The following SNTG2 variants were observed in gnomAD, a reference collection of about 807,000 sequenced individuals.
The protein encoded by SNTG2 is syntrophin gamma 2.
In SNTG2, 74 loss-of-function variants were observed where a neutral mutation model predicts 70.9. That is an observed-to-expected ratio of 1.04 (90% CI 0.86 to 1.27). SNTG2 has a LOEUF of 1.27. Among genes scored for constraint, SNTG2 ranks in the 50% most tolerant of loss-of-function variants. SNTG2 has a pLI of 0.00. For synonymous variants in SNTG2, 278 were observed against 273.8 expected (o/e 1.02, Z -0.15); for missense variants, 717 against 690.7 (o/e 1.04, Z -0.43).
intron 8 of SNTG2, among the ~76,000 whole-genome samples, chr2:1,180,882 G>A (rs928161458): frequency 3.9e-5 from 6 of 152,222 alleles, no homozygotes; most frequent in Admixed American, 2.6e-4. Flanking sequence ...GGAATACTAT[G>A]CAGCCATAAA....
chr2:1,303,793 CTG>C (rs1402287320), intron 14 of SNTG2, among the ~76,000 whole-genome samples: 2 of 152,196 alleles, frequency 1.3e-5, no homozygotes, highest in Non-Finnish European at 2.9e-5. Context: ...TCACTACAGA[CTG>C]TGTAAACTTC....
chr2:1,220,295 G>T lies in SNTG2; in HGVS notation c.719+11065G>T, dbSNP rs148121747. Reference sequence around the variant, plus strand: ...GCCCTGCACTGGGTGCCGTCAGAGCGTGGGCTGTGTCAGCAGTGTCTGGCT... The same window carrying T: ...GCCCTGCACTGGGTGCCGTCAGAGCTTGGGCTGTGTCAGCAGTGTCTGGCT... On this transcript the variant is annotated intron_variant, in intron 9 of 16. Coordinates refer to ENST00000308624, the MANE Select transcript of SNTG2 (RefSeq NM_018968.4). Among the ~76,000 whole-genome samples the T allele has an allele frequency of 6.6e-5, 10 of 152,380 alleles. No homozygotes were observed. The South Asian group carries it at 1.7e-3, about 25-fold the overall frequency.
chr2:1,275,593 G>A (rs953663859), intron 14 of SNTG2, among the ~76,000 whole-genome samples: 10 of 152,130 alleles, frequency 6.6e-5, no homozygotes, highest in Non-Finnish European at 1.5e-4. Context: ...CTGACCAGTC[G>A]TTTTCTCATC....
chr2:1,228,654 G>T (rs1332773361), intron 9 of SNTG2, among the ~76,000 whole-genome samples: 1 of 152,232 alleles, frequency 6.6e-6, no homozygotes, highest in African/African-American at 2.4e-5. Context: ...GGCTTCTGTT[G>T]CTCCGTTCGT....
chr2:1,203,318 G>A (rs1314147741), intron 8 of SNTG2, among the ~76,000 whole-genome samples: 1 of 152,078 alleles, frequency 6.6e-6, no homozygotes, highest in East Asian at 1.9e-4. Flanking sequence ...CTGTGAAACT[G>A]GGATAACACT....
At chr2:1,014,999 G>T (rs1021214497) in intron 1 of SNTG2, among the ~76,000 whole-genome samples, 1 of 152,172 alleles carries the variant, frequency 6.6e-6, no homozygotes, top group Non-Finnish European at 1.5e-5. Flanking sequence ...GGGCTGGGCT[G>T]CATGTGGCTG....
At chr2:1,321,675 A>G (rs1367523879) in intron 16 of SNTG2, among the ~76,000 whole-genome samples, 1 of 152,202 alleles carries the variant, frequency 6.6e-6, no homozygotes, top group Non-Finnish European at 1.5e-5. Context: ...CATCCAACAG[A>G]GAATTTCCCA....
chr2:1,121,960 A>G (rs1667406765), intron 4 of SNTG2, among the ~76,000 whole-genome samples: 1 of 152,220 alleles, frequency 6.6e-6, no homozygotes, highest in Non-Finnish European at 1.5e-5. Context: ...AAAGGATCAT[A>G]AGGGACTATT....
At chr2:1,114,018 C>T (rs1666731510) in intron 4 of SNTG2, among the ~76,000 whole-genome samples, 1 of 151,558 alleles carries the variant, frequency 6.6e-6, no homozygotes, top group Non-Finnish European at 1.5e-5. Flanking sequence ...TCTTACAGTC[C>T]TTTGAGGAGG....
At chr2:984,586 G>T (rs560975495) in intron 1 of SNTG2, among the ~76,000 whole-genome samples, 4 of 152,138 alleles carry the variant, frequency 2.6e-5, no homozygotes, top group Non-Finnish European at 5.9e-5. Context: ...TCCCCACTCT[G>T]TGGCCTCACC....
intron 14 of SNTG2, among the ~76,000 whole-genome samples, chr2:1,285,787 G>GT (rs55678776): frequency 1.1e-4 from 16 of 151,522 alleles, no homozygotes; most frequent in Admixed American, 2.0e-4. Flanking sequence ...AGCAGGTCGT[G>GT]TTTTTTTTTC....
At chr2:1,185,017 A>G (rs947137633) in intron 8 of SNTG2, among the ~76,000 whole-genome samples, 1 of 152,246 alleles carries the variant, frequency 6.6e-6, no homozygotes, top group African/African-American at 2.4e-5. Flanking sequence ...CCAAGATACA[A>G]TGGGTATACA....
At chr2:1,019,565 C>T (rs1178249045) in intron 1 of SNTG2, among the ~76,000 whole-genome samples, 1 of 152,124 alleles carries the variant, frequency 6.6e-6, no homozygotes, top group Non-Finnish European at 1.5e-5. Context: ...ATTGCACACT[C>T]TTCTGGAAAG....
intron 8 of SNTG2, among the ~76,000 whole-genome samples, chr2:1,190,591 T>TAA (rs1015870713): frequency 4.1e-5 from 6 of 147,484 alleles, no homozygotes; most frequent in South Asian, 2.1e-4. Flanking sequence ...TGTATATATA[T>TAA]AATACTTAAC....
At chr2:1,177,808 A>G (rs567770291) in intron 8 of SNTG2, among the ~76,000 whole-genome samples, 17 of 152,306 alleles carry the variant, frequency 1.1e-4, no homozygotes, top group African/African-American at 3.6e-4. Flanking sequence ...TCTTGAGGTG[A>G]TAAAAGGTTA....
chr2:963,840 A>G (rs1178880483), intron 1 of SNTG2, among the ~76,000 whole-genome samples: 1 of 152,256 alleles, frequency 6.6e-6, no homozygotes, highest in African/African-American at 2.4e-5. Flanking sequence ...GGAGGGTGTC[A>G]TGTGAAAATG....
intron 16 of SNTG2, among the ~76,000 whole-genome samples, chr2:1,348,008 T>A (rs1371218598): frequency 6.6e-6 from 1 of 152,078 alleles, no homozygotes; most frequent in African/African-American, 2.4e-5. Context: ...AACTGCAGCT[T>A]TTTGGAGTGT....
At chr2:1,161,930 C>T (rs998599373) in intron 6 of SNTG2, among the ~76,000 whole-genome samples, 4 of 151,938 alleles carry the variant, frequency 2.6e-5, no homozygotes, top group Non-Finnish European at 5.9e-5. Flanking sequence ...AAAAATTAGC[C>T]AGGCGAGATG....
At chr2:1,136,536 T>C (rs1668398234) in intron 4 of SNTG2, among the ~76,000 whole-genome samples, 1 of 152,202 alleles carries the variant, frequency 6.6e-6, no homozygotes, top group African/African-American at 2.4e-5. Context: ...ATGAAAACTA[T>C]AGTTTCAACA....
Sources: gnomAD v4.1 joint callset for allele counts (sites outside exome capture counted in the v4.1 genomes callset) on GRCh38, gnomAD v4.1.1 for gene constraint, MANE v1.5 for transcripts, NCBI Gene and HGNC (gene_info 2026-07-23, HGNC 2026-07-21) for gene names.